LIPK: variants seen among roughly 807,000 people sequenced by gnomAD.
The protein encoded by LIPK is lipase family member K.
Under a neutral mutation model 48.6 loss-of-function variants are expected in LIPK, and 32 were observed. That is an observed-to-expected ratio of 0.66 (90% CI 0.50 to 0.88). The LOEUF (loss-of-function observed/expected upper bound fraction) is 0.88, where lower values mean the gene tolerates loss of function less well. LIPK is among the 40% of genes least tolerant of loss of function. The probability of loss-of-function intolerance (pLI) is 0.00; values close to 1 mark genes in which losing one functional copy is unlikely to be tolerated. For synonymous variants in LIPK, 164 were observed against 157.4 expected (o/e 1.04, Z -0.32); for missense variants, 507 against 478.5 (o/e 1.06, Z -0.56).
intron 1 of LIPK, among the ~76,000 whole-genome samples, chr10:88,716,320 T>A (rs530372033): frequency 1.3e-5 from 2 of 151,228 alleles, no homozygotes; most frequent in East Asian, 3.9e-4. Context: ...AGATTGGCAA[T>A]AGAGTTTGAG....
At chr10:88,727,165 T>A (rs904713326) in intron 3 of LIPK, among the ~76,000 whole-genome samples, 1 of 152,192 alleles carries the variant, frequency 6.6e-6, no homozygotes, top group Non-Finnish European at 1.5e-5. Flanking sequence ...CAAAAACACA[T>A]CGTGTTCTTA....
chr10:88,748,639 A>C (rs1200254127), intron 9 of LIPK, among the ~76,000 whole-genome samples: 4 of 151,742 alleles, frequency 2.6e-5, no homozygotes, highest in African/African-American at 9.7e-5. Flanking sequence ...AAAAGAAAAC[A>C]ATAATAATAT....
At chr10:88,724,756 C>T (rs761444781) in intron 2 of LIPK, 108 bp downstream of exon 2, 1 of 693,892 alleles carries the variant, frequency 1.4e-6, no homozygotes, top group East Asian at 3.0e-5. Context: ...CCTCCAGTGA[C>T]TAAGTCTGTG....
intron 1 of LIPK, among the ~76,000 whole-genome samples, chr10:88,719,758 C>A (rs1842186347): frequency 6.6e-6 from 1 of 152,080 alleles, no homozygotes; most frequent in African/African-American, 2.4e-5. Flanking sequence ...CCAAGCATTG[C>A]CATAAGTTGT....
In LIPK at chr10:88,726,775, A is replaced by C; in HGVS notation, c.106-20A>C. The C allele has an allele frequency of 8.7e-7, 1 of 1,149,638 alleles. No homozygotes were observed. Among genetic ancestry groups the C allele is most frequent in the Non-Finnish European group, 1.3e-6 (1 of 769,796 alleles). 71.2% of individuals were successfully genotyped at this position (1,149,638 alleles called of 1,614,324 possible). Reference sequence around the variant, plus strand: ...AAGAGATTATAACATGAAGGTATATATTTCCTTTCCTCTTTTTAGAGCCAG... The same window carrying C: ...AAGAGATTATAACATGAAGGTATATCTTTCCTTTCCTCTTTTTAGAGCCAG... On this transcript the variant is annotated intron_variant, in intron 2 of 9. Transcript: ENST00000404190.
chr10:88,747,810 G>A lies in LIPK; in HGVS notation c.960+4489G>A, dbSNP rs553063819. Among the ~76,000 whole-genome samples the A allele has an allele frequency of 4.4e-4, 67 of 152,284 alleles. 1 individual carries two copies. Among genetic ancestry groups the A allele is most frequent in the African/African-American group, 1.5e-3 (63 of 41,550 alleles). ...AGGAACACTTTTACACTGTTGATGG[G>A]AATGTGAATTAATTCAACCATTGTG... On this transcript the variant is annotated intron_variant, in intron 9 of 9. Coordinates refer to ENST00000404190, the MANE Select transcript of LIPK (RefSeq NM_001080518.2).
intron 1 of LIPK, among the ~76,000 whole-genome samples, chr10:88,715,244 C>T (rs1279915730): frequency 2.0e-5 from 3 of 152,084 alleles, no homozygotes; most frequent in African/African-American, 7.2e-5. Flanking sequence ...TTGAAACATA[C>T]AGCTATGAAA....
At chr10:88,721,988 T>G (rs1364715952) in intron 1 of LIPK, among the ~76,000 whole-genome samples, 1 of 152,188 alleles carries the variant, frequency 6.6e-6, no homozygotes, top group Non-Finnish European at 1.5e-5. Context: ...TGAGTCAATT[T>G]GGCATAGTCA....
chr10:88,709,047 TA>T (rs1841982198), intron 1 of LIPK, among the ~76,000 whole-genome samples: 1 of 152,146 alleles, frequency 6.6e-6, no homozygotes. Context: ...GCATTAGGAG[TA>T]AAACTTTATT....
chr10:88,749,184 C>G (rs1478966613), intron 9 of LIPK, among the ~76,000 whole-genome samples: 1 of 152,116 alleles, frequency 6.6e-6, no homozygotes, highest in African/African-American at 2.4e-5. Context: ...ATTAAAATGG[C>G]CATACTGTCC....
chr10:88,714,242 T>C (rs1412394651), intron 1 of LIPK, among the ~76,000 whole-genome samples: 1 of 152,202 alleles, frequency 6.6e-6, no homozygotes, highest in African/African-American at 2.4e-5. Context: ...TTTTTTATTA[T>C]AAAGTGGTGT....
intron 2 of LIPK, among the ~76,000 whole-genome samples, chr10:88,725,725 G>T (rs1029875996): frequency 1.3e-5 from 2 of 152,274 alleles, no homozygotes; most frequent in African/African-American, 4.8e-5. Context: ...AATGAGAAAA[G>T]GAATGTAAAC....
Position 88,752,502 on chromosome 10 carries a change from T to C in LIPK, c.961-15T>C. 1 of 1,524,518 alleles carries C rather than the reference T, an allele frequency of 6.6e-7. No homozygotes were observed. Among genetic ancestry groups the C allele is most frequent in the Non-Finnish European group, 8.9e-7 (1 of 1,122,924 alleles). The allele number at this position is 1,524,518 out of a possible 1,614,324, so 94.4% of individuals were successfully genotyped here. A position where few individuals can be genotyped will look rare whatever the true frequency, so the allele number is the denominator to read the frequency against. ...TTCTGTAAAAACTTTTCTCTCTCTCTTTTATTGTATTTAGCTTACACCTCC... is the reference window on the plus strand; with the variant it reads ...TTCTGTAAAAACTTTTCTCTCTCTCCTTTATTGTATTTAGCTTACACCTCC... On this transcript the variant is annotated splice_polypyrimidine_tract_variant and intron_variant, in intron 9 of 9. Transcript: ENST00000404190.
intron 1 of LIPK, among the ~76,000 whole-genome samples, chr10:88,718,764 T>C (rs974698840): frequency 3.3e-5 from 5 of 152,116 alleles, no homozygotes; most frequent in African/African-American, 9.7e-5. Context: ...AAATAATGAT[T>C]ATAATGATTA....
At chr10:88,717,187 G>GTTT (rs1305886118) in intron 1 of LIPK, among the ~76,000 whole-genome samples, 2 of 152,144 alleles carry the variant, frequency 1.3e-5, no homozygotes, top group African/African-American at 4.8e-5. Flanking sequence ...CAAACCATCT[G>GTTT]CTAAATACCT....
chr10:88,732,637 CA>C, intron 6 of LIPK, 86 bp downstream of exon 6: 1 of 1,360,838 alleles, frequency 7.3e-7, no homozygotes, highest in South Asian at 1.4e-5. Context: ...TGACATTTTA[CA>C]AACTTCTGAG....
intron 9 of LIPK, among the ~76,000 whole-genome samples, chr10:88,744,810 A>T (rs543015891): frequency 9.8e-5 from 15 of 152,362 alleles, no homozygotes; most frequent in Admixed American, 2.6e-4. Flanking sequence ...CACAGTTCAG[A>T]ATCTGGACGG....
intron 3 of LIPK, chr10:88,728,732 G>T: frequency 3.5e-6 from 1 of 288,312 alleles, no homozygotes; most frequent in South Asian, 3.4e-5. Flanking sequence ...ACCCAGGTGG[G>T]CTGGGCTCGG....
chr10:88,752,222 T>C (rs918578724), intron 9 of LIPK, among the ~76,000 whole-genome samples: 6 of 152,156 alleles, frequency 3.9e-5, no homozygotes, highest in Non-Finnish European at 8.8e-5. Context: ...AAATGCTAAC[T>C]AGAAAGATGA....
Sources: allele counts gnomAD v4.1 joint callset (sites outside exome capture counted in the v4.1 genomes callset), GRCh38; gene constraint gnomAD v4.1.1; transcripts MANE v1.5; gene names NCBI Gene and HGNC (gene_info 2026-07-23, HGNC 2026-07-21).